The following CELF2 variants were observed in gnomAD, a reference collection of about 807,000 sequenced individuals.
The protein encoded by CELF2 is CUG triplet repeat RNA-binding protein 2.
Under a neutral mutation model 62.6 loss-of-function variants are expected in CELF2, and 8 were observed. The observed-to-expected ratio is 0.13, with a 90% CI of 0.07 to 0.23. The LOEUF (loss-of-function observed/expected upper bound fraction) is 0.23, where lower values mean the gene tolerates loss of function less well. Among genes scored for constraint, CELF2 ranks in the 10% least tolerant of loss-of-function variants. The pLI, the probability that CELF2 is intolerant of heterozygous loss-of-function variation, is 1.00. For synonymous variants in CELF2, 258 were observed against 250.0 expected, an observed-to-expected ratio of 1.03 and a Z score of -0.30; for missense variants, 333 against 671.0, an observed-to-expected ratio of 0.50 and a Z score of 5.56.
rs1162225295 is a variant in CELF2 at position 10,983,378 on chromosome 10, C to T, written c.89+63379C>T. Among the ~76,000 whole-genome samples, 1 of 152,048 alleles carries T rather than the reference C, an allele frequency of 6.6e-6. No homozygotes were observed. The highest frequency in any genetic ancestry group is 1.9e-4 in the East Asian group (1 of 5,196). ...ATACATATCTTCCCTAACCTGTTTA[C>T]TTGATTGAATTGATTAGGGACTATT... On this transcript the variant is annotated intron_variant, in intron 2 of 13. Coordinates refer to the CELF2 transcript ENST00000636488. This position sits in a 1 kb window ranked among gnomAD's most constrained non-coding sequence, Gnocchi z 5.2.
At chr10:10,980,657 C>T (rs569449714) in intron 2 of CELF2, among the ~76,000 whole-genome samples, 2 of 152,368 alleles carry the variant, frequency 1.3e-5, no homozygotes, top group South Asian at 4.1e-4. Flanking sequence ...CTCACATGAT[C>T]TCCTAACGGT....
At position 11,246,093 on chromosome 10, in the gene CELF2, C is replaced by T. The variant is rs1308537124; in HGVS notation, c.355-3060C>T. On this transcript the variant is annotated intron_variant, in intron 3 of 12. Transcript: ENST00000633077. The surrounding 1 kb of genome is among the most constrained non-coding windows in gnomAD (Gnocchi z 4.6). ...TCTGTTTTTGCTGCTCCCGAATTTC[C>T]ACCTGCCATCATCCACGCATTTCAC... Among the ~76,000 whole-genome samples the T allele has an allele frequency of 1.3e-5, 2 of 152,116 alleles. No individual in the cohort carries two copies. The highest frequency in any genetic ancestry group is 2.9e-5 in the Non-Finnish European group (2 of 68,040).
At chr10:10,822,180 A>T (rs2057020811) in intron 1 of CELF2, among the ~76,000 whole-genome samples, 2 of 152,144 alleles carry the variant, frequency 1.3e-5, no homozygotes, top group African/African-American at 4.8e-5. Flanking sequence ...TATGCTCTGG[A>T]CTGGATGTCA....
chr10:10,463,017 G>A, the CELF2 span, among the ~76,000 whole-genome samples: 1 of 152,082 alleles, frequency 6.6e-6, no homozygotes, highest in Non-Finnish European at 1.5e-5. Flanking sequence ...CATCAAACAG[G>A]AAGTGCAATG....
chr10:10,600,748 A>ATGTCAAG, the CELF2 span, among the ~76,000 whole-genome samples: 25 of 152,236 alleles, frequency 1.6e-4, no homozygotes, highest in Non-Finnish European at 2.9e-4. Context: ...AAAGAATTTT[A>ATGTCAAG]TGTCAAGCTC....
rs1439728866 is a variant in CELF2, at chr10:11,334,882, A to G, written c.*5829A>G. 6.6e-6 allele frequency: 1 copy of G among 152,232 alleles called. No homozygotes were observed. Among genetic ancestry groups the G allele is most frequent in the Non-Finnish European group, 1.5e-5 (1 of 68,028 alleles). The allele number at this position is 152,232 out of a possible 1,614,324, so 9.4% of individuals were successfully genotyped here. A position where few individuals can be genotyped will look rare whatever the true frequency, so the allele number is the denominator to read the frequency against. Reference sequence around the variant, plus strand: ...AGTGAAAAGGGTTAAACTTAAGTCTATTATTTGTTGCCCTCAATCAAAAGA... The same window carrying G: ...AGTGAAAAGGGTTAAACTTAAGTCTGTTATTTGTTGCCCTCAATCAAAAGA... On this transcript the variant is annotated 3_prime_UTR_variant, in exon 13 of 13. Coordinates refer to ENST00000633077, the MANE Select transcript of CELF2 (RefSeq NM_001326342.2).
intron 2 of CELF2, chr10:10,944,039 T>G (rs1233278647): frequency 6.6e-6 from 1 of 152,360 alleles, no homozygotes; most frequent in African/African-American, 2.4e-5. Flanking sequence ...ATAGTAGAAG[T>G]GAAGAGTCTC....
At position 10,913,437 on chromosome 10, in the gene CELF2, C is replaced by G. The variant is rs1262175229; in HGVS notation, c.54-6527C>G. Among the ~76,000 whole-genome samples the G allele has an allele frequency of 3.2e-4, 36 of 110,924 alleles. 1 individual carries two copies. In the Admixed American group the frequency reaches 5.0e-3, roughly 15 times the overall value. 72.8% of individuals were successfully genotyped at this position (110,924 alleles called of 152,430 possible). On this transcript the variant is annotated intron_variant, in intron 1 of 13. Transcript: ENST00000636488. Reference sequence around the variant, plus strand: ...TGGAGTCTCACTATTTTTGCCCAGGCTGGAGTGCAGTGGCGCAATCTCAGC... The same window carrying G: ...TGGAGTCTCACTATTTTTGCCCAGGGTGGAGTGCAGTGGCGCAATCTCAGC...
At chr10:11,180,510 C>T (rs776556097) in intron 2 of CELF2, among the ~76,000 whole-genome samples, 1 of 152,190 alleles carries the variant, frequency 6.6e-6, no homozygotes, top group Non-Finnish European at 1.5e-5. Flanking sequence ...TCAGTCTCCT[C>T]CTGATGAGGA....
chr10:10,540,806 G>A, the CELF2 span, among the ~76,000 whole-genome samples: 2 of 152,118 alleles, frequency 1.3e-5, no homozygotes, highest in East Asian at 3.9e-4. Flanking sequence ...GGATATTGTG[G>A]CGGCTGTGTT....
chr10:10,823,828 A>G (rs964060672), intron 1 of CELF2, among the ~76,000 whole-genome samples: 3 of 152,192 alleles, frequency 2.0e-5, no homozygotes, highest in Non-Finnish European at 4.4e-5. Context: ...CCCATTTTAT[A>G]TATGAGAAAA....
intron 1 of CELF2, among the ~76,000 whole-genome samples, chr10:10,866,688 G>A (rs970700246): frequency 6.6e-6 from 1 of 151,416 alleles, no homozygotes; most frequent in East Asian, 1.9e-4. Flanking sequence ...CGGGCGCGGT[G>A]GCTCACGACT....
At chr10:11,116,486 C>T (rs1471882061) in intron 1 of CELF2, among the ~76,000 whole-genome samples, 1 of 152,174 alleles carries the variant, frequency 6.6e-6, no homozygotes, top group Non-Finnish European at 1.5e-5. Flanking sequence ...ACATGTGAGG[C>T]CTGGAGTCTA....
intron 1 of CELF2, among the ~76,000 whole-genome samples, chr10:10,856,992 A>G (rs2059753532): frequency 6.6e-6 from 1 of 152,146 alleles, no homozygotes; most frequent in South Asian, 2.1e-4. Flanking sequence ...CTTTTAGAGA[A>G]AGGAAATAAA....
the CELF2 span, among the ~76,000 whole-genome samples, chr10:10,710,400 A>G: frequency 0.03 from 4,584 of 152,292 alleles, 187 homozygotes; most frequent in African/African-American, 0.093. Context: ...CGTATCTTGA[A>G]GTAGGAATAA....
At chr10:10,814,197 A>G (rs1311757137) in intron 1 of CELF2, among the ~76,000 whole-genome samples, 1 of 141,656 alleles carries the variant, frequency 7.1e-6, no homozygotes, top group Non-Finnish European at 1.5e-5. Context: ...AGAAGGAAGA[A>G]AGGGAAAGAA....
chr10:10,812,996 A>G (rs1019393484), intron 1 of CELF2, among the ~76,000 whole-genome samples: 6 of 152,184 alleles, frequency 3.9e-5, no homozygotes, highest in Admixed American at 6.5e-5. Flanking sequence ...GATAGAACAG[A>G]GAAGTACCTT....
At chr10:10,941,601 C>T (rs983417346) in intron 2 of CELF2, among the ~76,000 whole-genome samples, 2 of 152,172 alleles carry the variant, frequency 1.3e-5, no homozygotes, top group Non-Finnish European at 2.9e-5. Context: ...CCAAGTGACA[C>T]CCAGCAAGCA....
At chr10:10,522,368 T>C in the CELF2 span, among the ~76,000 whole-genome samples, 1 of 152,202 alleles carries the variant, frequency 6.6e-6, no homozygotes, top group South Asian at 2.1e-4. Context: ...ATCTTCGGCA[T>C]GCCGATTGGA....
Sources: gnomAD v4.1 joint callset for allele counts (sites outside exome capture counted in the v4.1 genomes callset) on GRCh38, gnomAD v4.1.1 for gene constraint, Gnocchi (gnomAD v3.1) non-coding constraint, MANE v1.5 for transcripts, NCBI Gene and HGNC (gene_info 2026-07-23, HGNC 2026-07-21) for gene names.